NCKAP5: variants seen among roughly 807,000 people sequenced by gnomAD.
The protein encoded by NCKAP5 is nck-associated protein 5.
NCKAP5 carries 92 observed loss-of-function variants against 167.0 expected under a neutral mutation model. The ratio of observed to expected loss-of-function variants is 0.55; its 90% CI spans 0.47 to 0.66. The LOEUF (loss-of-function observed/expected upper bound fraction) is 0.66. Among genes scored for constraint, NCKAP5 ranks in the 30% least tolerant of loss-of-function variants. The pLI, the probability that NCKAP5 is intolerant of heterozygous loss-of-function variation, is 0.00. For missense variants in NCKAP5, 2,378 were observed against 2,315.0 expected (o/e 1.03, Z -0.56); for synonymous variants, 891 against 877.4 (o/e 1.02, Z -0.27).
At chr2:133,168,449 C>A (rs71413543) in intron 5 of NCKAP5, among the ~76,000 whole-genome samples, 20,673 of 151,994 alleles carry the variant, frequency 0.14, 1,596 homozygotes, top group East Asian at 0.38. Flanking sequence ...TTTCATTATA[C>A]AGACTCTCAA....
chr2:133,177,325 T>G (rs2084512753), intron 5 of NCKAP5, among the ~76,000 whole-genome samples: 1 of 151,826 alleles, frequency 6.6e-6, no homozygotes, highest in African/African-American at 2.4e-5. Flanking sequence ...AAAGGAACAC[T>G]CTGTACAAAA....
chr2:133,459,753 C>T (rs898026524), intron 3 of NCKAP5, among the ~76,000 whole-genome samples: 3 of 152,112 alleles, frequency 2.0e-5, no homozygotes, highest in Non-Finnish European at 4.4e-5. Flanking sequence ...ATGTATTTAA[C>T]TCATGATCAC....
intron 8 of NCKAP5, among the ~76,000 whole-genome samples, chr2:132,920,352 G>A (rs1032444004): frequency 1.3e-5 from 2 of 151,908 alleles, no homozygotes; most frequent in African/African-American, 4.8e-5. Flanking sequence ...TGCTCATTTT[G>A]CTTTCACATA....
At chr2:132,882,931 A>G (rs555113112) in intron 8 of NCKAP5, among the ~76,000 whole-genome samples, 2 of 152,028 alleles carry the variant, frequency 1.3e-5, no homozygotes, top group Non-Finnish European at 2.9e-5. Context: ...ACAGGCTCAC[A>G]CCTATAATCT....
chr2:133,387,507 T>C (rs1241447751), intron 3 of NCKAP5, among the ~76,000 whole-genome samples: 1 of 152,232 alleles, frequency 6.6e-6, no homozygotes, highest in Non-Finnish European at 1.5e-5. Flanking sequence ...CTTTGATGAA[T>C]CTGACAATTA....
chr2:132,897,446 G>A (rs1380233864), intron 8 of NCKAP5, among the ~76,000 whole-genome samples: 1 of 152,184 alleles, frequency 6.6e-6, no homozygotes, highest in Non-Finnish European at 1.5e-5. Context: ...TGTGTATGCA[G>A]TACTTGAGTG....
chr2:133,618,256 T>A, the NCKAP5 span, among the ~76,000 whole-genome samples: 1 of 151,234 alleles, frequency 6.6e-6, no homozygotes, highest in African/African-American at 2.4e-5. Flanking sequence ...AAGGACTTCA[T>A]GTCTAAAACA....
the NCKAP5 span, among the ~76,000 whole-genome samples, chr2:133,614,194 G>C: frequency 2.4e-4 from 37 of 152,256 alleles, no homozygotes; most frequent in Non-Finnish European, 4.4e-4. Flanking sequence ...TCTCAACAGG[G>C]AGTCTCGTGG....
At chr2:133,022,713 T>A (rs1336192444) in intron 6 of NCKAP5, among the ~76,000 whole-genome samples, 2 of 152,204 alleles carry the variant, frequency 1.3e-5, no homozygotes, top group Non-Finnish European at 2.9e-5. Context: ...TGCTTCTAGA[T>A]CTCACTGGGT....
intron 2 of NCKAP5, among the ~76,000 whole-genome samples, chr2:133,523,578 CTCACCAGG>C (rs1684643556): frequency 6.6e-6 from 1 of 152,144 alleles, no homozygotes; most frequent in South Asian, 2.1e-4. Context: ...TTATGCTTTT[CTCACCAGG>C]TCATTGTGAG....
intron 3 of NCKAP5, among the ~76,000 whole-genome samples, chr2:133,383,892 G>A (rs1399791915): frequency 7.9e-5 from 12 of 152,182 alleles, no homozygotes; most frequent in East Asian, 7.7e-4. Flanking sequence ...CATATCCTTC[G>A]CCCACTTTTT....
At chr2:132,959,545 A>T (rs2076447318) in intron 8 of NCKAP5, among the ~76,000 whole-genome samples, 1 of 152,076 alleles carries the variant, frequency 6.6e-6, no homozygotes, top group East Asian at 1.9e-4. Flanking sequence ...GAGTGGAGAG[A>T]AGGGCCACGT....
At chr2:133,418,438 A>G (rs1689261410) in intron 3 of NCKAP5, among the ~76,000 whole-genome samples, 1 of 152,194 alleles carries the variant, frequency 6.6e-6, no homozygotes, top group Non-Finnish European at 1.5e-5. Flanking sequence ...TAGTAATTAG[A>G]CTGTTCAGAC....
At chr2:132,788,327 TTA>T (rs137867378) in intron 13 of NCKAP5, among the ~76,000 whole-genome samples, 2 of 151,820 alleles carry the variant, frequency 1.3e-5, no homozygotes, top group African/African-American at 4.8e-5. Flanking sequence ...GACAAGAATC[TTA>T]TATATATATA....
chr2:133,394,731 AC>A (rs1327729953), intron 3 of NCKAP5, among the ~76,000 whole-genome samples: 1 of 152,212 alleles, frequency 6.6e-6, no homozygotes, highest in Non-Finnish European at 1.5e-5. Context: ...AAATTCGAAC[AC>A]ATGAAAGGAA....
intron 2 of NCKAP5, among the ~76,000 whole-genome samples, chr2:133,538,685 T>G (rs1685945367): frequency 1.3e-5 from 2 of 152,022 alleles, no homozygotes; most frequent in Non-Finnish European, 2.9e-5. Context: ...TTTCCATAAA[T>G]GTTGGGAGAC....
chr2:132,792,759 T>C (rs1377088063), intron 12 of NCKAP5, among the ~76,000 whole-genome samples: 3 of 152,246 alleles, frequency 2.0e-5, no homozygotes, highest in African/African-American at 7.2e-5. Flanking sequence ...GAGGCTTGCA[T>C]GCAATTCTCT....
At position 133,499,544 on chromosome 2, in the gene NCKAP5, G is replaced by A. The variant is rs533427824; in HGVS notation, c.69+17914C>T. ...GAAGAAAAGTGACATAAAAGTCTAA[G>A]TGTTCTTTTTTGTTTTTTGTTTTTT... On this transcript the variant is annotated intron_variant, in intron 3 of 19. Transcript: ENST00000409261. Among the ~76,000 whole-genome samples the A allele has an allele frequency of 3.6e-3, 276 of 75,618 alleles. 1 individual carries two copies. Among genetic ancestry groups the A allele is most frequent in the African/African-American group, 0.016 (262 of 16,192 alleles). 49.6% of individuals were successfully genotyped at this position (75,618 alleles called of 152,430 possible).
In NCKAP5 at chr2:132,952,683, A is replaced by C. The variant is rs143003003; in HGVS notation, c.579+11037T>G. Among the ~76,000 whole-genome samples the C allele has an allele frequency of 7.9e-5, 12 of 152,322 alleles. No individual in the cohort carries two copies. The East Asian group carries it at 2.1e-3, about 27-fold the overall frequency. Reference sequence around the variant, plus strand: ...TTGCAGACAAGTTCAGCTTCCTCACATCAATAGTGAGAGACAGGCCACAAG... The same window carrying C: ...TTGCAGACAAGTTCAGCTTCCTCACCTCAATAGTGAGAGACAGGCCACAAG... On this transcript the variant is annotated intron_variant, in intron 8 of 19. Coordinates refer to ENST00000409261, the MANE Select transcript of NCKAP5 (RefSeq NM_207363.3).
Sources: gnomAD v4.1 joint callset for allele counts (sites outside exome capture counted in the v4.1 genomes callset) on GRCh38, gnomAD v4.1.1 for gene constraint, MANE v1.5 for transcripts, NCBI Gene and HGNC (gene_info 2026-07-23, HGNC 2026-07-21) for gene names.